LRRC34: variants seen among roughly 807,000 people sequenced by gnomAD.
LRRC34 encodes the protein leucine-rich repeat-containing protein 34.
A neutral mutation model predicts 48.5 loss-of-function variants in LRRC34; 44 were observed. The ratio of observed to expected loss-of-function variants is 0.91; its 90% confidence interval spans 0.71 to 1.17. The LOEUF (loss-of-function observed/expected upper bound fraction) is 1.17, where lower values mean the gene tolerates loss of function less well. LRRC34 is among the 50% of genes most tolerant of loss of function. LRRC34 has a pLI of 0.00. For synonymous variants in LRRC34, 192 were observed against 197.6 expected, an observed-to-expected ratio of 0.97 and a Z score of 0.24; for missense variants, 502 against 563.0, an observed-to-expected ratio of 0.89 and a Z score of 1.10.
At chr3:169,805,323 T>C (rs1779333724) in intron 5 of LRRC34, among the ~76,000 whole-genome samples, 2 of 152,012 alleles carry the variant, frequency 1.3e-5, no homozygotes, top group African/African-American at 2.4e-5. Flanking sequence ...AAGATCAATA[T>C]ACAAAAACAG....
At chr3:169,810,741 T>C (rs1779532180) in intron 1 of LRRC34, among the ~76,000 whole-genome samples, 1 of 152,198 alleles carries the variant, frequency 6.6e-6, no homozygotes, top group African/African-American at 2.4e-5. Context: ...CTCTGCAAAC[T>C]GTTAAGCTTG....
Position 169,806,949 on chromosome 3 carries a change from C to T in LRRC34, c.445-18G>A, listed in dbSNP as rs371880111. The stretch of plus-strand genomic sequence containing the variant: ...AGTTGTTTCTATAAGAGAAAAGAAG[C>T]TATTACACATTATTATTATTGGAAA... On this transcript the variant is annotated intron_variant, in intron 4 of 10. Coordinates refer to ENST00000446859, the MANE Select transcript of LRRC34 (RefSeq NM_001172779.2). The T allele has an allele frequency of 2.3e-4, 325 of 1,441,202 alleles. 1 individual carries two copies. Among genetic ancestry groups the T allele is most frequent in the Admixed American group, 2.9e-4 (17 of 57,924 alleles). The allele number at this position is 1,441,202 out of a possible 1,614,324, so 89.3% of individuals were successfully genotyped here.
At chr3:169,810,349 T>C (rs1779518942) in intron 1 of LRRC34, among the ~76,000 whole-genome samples, 2 of 152,242 alleles carry the variant, frequency 1.3e-5, no homozygotes, top group African/African-American at 2.4e-5. Context: ...TTCTTTTATA[T>C]GCATATTAAG....
At chr3:169,799,244 C>T (rs1779103654) in intron 7 of LRRC34, among the ~76,000 whole-genome samples, 1 of 152,190 alleles carries the variant, frequency 6.6e-6, no homozygotes, top group South Asian at 2.1e-4. Flanking sequence ...GTAAAATACA[C>T]TTCTGAATAT....
chr3:169,795,393 T>G lies in LRRC34; in HGVS notation c.1191+92A>C, dbSNP rs747716012. 1.1e-4 allele frequency: 146 copies of G among 1,353,030 alleles called. 1 individual carries two copies. Among genetic ancestry groups the G allele is most frequent in the Non-Finnish European group, 6.7e-5 (67 of 1,000,680 alleles). The allele number at this position is 1,353,030 out of a possible 1,614,324, so 83.8% of individuals were successfully genotyped here. A position where few individuals can be genotyped will look rare whatever the true frequency, so the allele number is the denominator to read the frequency against. On this transcript the variant is annotated intron_variant, in intron 10 of 10. Transcript: ENST00000446859. Reference sequence around the variant, plus strand: ...ATCAAAACTGCAGTGTCTCACTGTGTAACCATTTCTGAGGCACCTGTAAAT... The same window carrying G: ...ATCAAAACTGCAGTGTCTCACTGTGGAACCATTTCTGAGGCACCTGTAAAT...
Position 169,812,317 on chromosome 3 carries a change from C to A in LRRC34, c.139+93G>T. Reference sequence around the variant, plus strand: ...CTCCCGCCTCGACGCCTTGGGCTGGCGGGCTGCTGGGAGGACTCCTGCCGT... The same window carrying A: ...CTCCCGCCTCGACGCCTTGGGCTGGAGGGCTGCTGGGAGGACTCCTGCCGT... On this transcript the variant is annotated intron_variant, in intron 1 of 10. Transcript: ENST00000446859. The surrounding 1 kb of genome is among the most constrained non-coding windows in gnomAD (Gnocchi z 4.3). The A allele has an allele frequency of 5.7e-6, 8 of 1,408,642 alleles. No homozygotes were observed. Among genetic ancestry groups the A allele is most frequent in the Admixed American group, 2.8e-5 (1 of 36,044 alleles). The allele number at this position is 1,408,642 out of a possible 1,614,324, so 87.3% of individuals were successfully genotyped here. A position where few individuals can be genotyped will look rare whatever the true frequency, so the allele number is the denominator to read the frequency against.
chr3:169,806,572 T>G (rs931067764), intron 5 of LRRC34, among the ~76,000 whole-genome samples: 7 of 151,724 alleles, frequency 4.6e-5, no homozygotes, highest in Non-Finnish European at 1.0e-4. Context: ...GTGATAGTAG[T>G]GATACTTGCA....
chr3:169,807,450 T>C lies in LRRC34; in HGVS notation c.420A>G (p.Ala140=), dbSNP rs775208960. ...CCTGAAGCAGTTTCGCAGCATAGTA[T>C]GCACCAACATCACATAGAAGGTTAT... The part of the protein sequence containing the change: ...VGYNLLCDVG[A]YYAAKLLQKQ... The change falls in exon 4 of 11, where the codon GCA becomes GCG. Residue 140 remains alanine (A), a synonymous_variant. Coordinates refer to ENST00000446859, the MANE Select transcript of LRRC34 (RefSeq NM_001172779.2). The C allele has an allele frequency of 1.9e-6, 3 of 1,614,018 alleles. No homozygotes were observed. The highest frequency in any genetic ancestry group is 2.5e-6 in the Non-Finnish European group (3 of 1,179,954).
At chr3:169,807,820 T>C in intron 2 of LRRC34, 111 bp from the exon 3 acceptor site, 1 of 1,238,324 alleles carries the variant, frequency 8.1e-7, no homozygotes, top group Non-Finnish European at 1.1e-6. Flanking sequence ...ACAGATATCA[T>C]TTACTGGAAG....
intron 7 of LRRC34, among the ~76,000 whole-genome samples, chr3:169,797,622 A>G (rs1022282165): frequency 6.6e-6 from 1 of 152,230 alleles, no homozygotes; most frequent in Non-Finnish European, 1.5e-5. Flanking sequence ...CTCTTGCATG[A>G]TTGCTGTATA....
intron 5 of LRRC34, 102 bp from the exon 6 acceptor site, chr3:169,804,283 A>G: frequency 1.1e-6 from 1 of 942,388 alleles, no homozygotes. Flanking sequence ...TCCAATTTTC[A>G]TGGAGCTAGA....
chr3:169,807,748 T>A, intron 2 of LRRC34, 39 bp from the exon 3 acceptor site: 1 of 1,455,720 alleles, frequency 6.9e-7, no homozygotes, highest in Non-Finnish European at 9.2e-7. Context: ...AAAAAAGATT[T>A]TGAAATAGAA....
chr3:169,807,923 T>A, intron 2 of LRRC34: 4 of 525,782 alleles, frequency 7.6e-6, no homozygotes, highest in Non-Finnish European at 1.3e-5. Context: ...CTTTAAAAGA[T>A]TCCATATATT....
Position 169,804,199 on chromosome 3 carries a change from C to T in LRRC34, c.529-18G>A. 4 of 1,547,058 alleles carry T rather than the reference C, an allele frequency of 2.6e-6. No homozygotes were observed. The South Asian group carries it at 3.7e-5, about 14-fold the overall frequency. On this transcript the variant is annotated intron_variant, in intron 5 of 10. Coordinates refer to ENST00000446859, the MANE Select transcript of LRRC34 (RefSeq NM_001172779.2). Reference sequence around the variant, plus strand: ...CGATTCTTCTGAAAAGGAAAAAAAACTTATTTAATAATTGTTAATCCACAG... The same window carrying T: ...CGATTCTTCTGAAAAGGAAAAAAAATTTATTTAATAATTGTTAATCCACAG...
intron 7 of LRRC34, among the ~76,000 whole-genome samples, chr3:169,799,568 G>A (rs1397559568): frequency 1.3e-5 from 2 of 152,086 alleles, no homozygotes; most frequent in African/African-American, 2.4e-5. Context: ...GAGGTGGGAG[G>A]ATCACTTGAG....
intron 7 of LRRC34, among the ~76,000 whole-genome samples, chr3:169,799,786 C>A (rs1779126978): frequency 6.6e-6 from 1 of 152,222 alleles, no homozygotes; most frequent in Non-Finnish European, 1.5e-5. Context: ...AATCTCGGCT[C>A]ACTGCAACCT....
At chr3:169,795,424 C>A in intron 10 of LRRC34, 61 bp downstream of exon 10, 1 of 1,506,636 alleles carries the variant, frequency 6.6e-7, no homozygotes, top group South Asian at 1.3e-5. Context: ...TAAATAATAT[C>A]TGATGTTACA....
At chr3:169,806,633 G>T (rs1461262270) in intron 5 of LRRC34, among the ~76,000 whole-genome samples, 1 of 151,810 alleles carries the variant, frequency 6.6e-6, no homozygotes, top group African/African-American at 2.4e-5. Flanking sequence ...ACTTTCAAAG[G>T]GTATATTTTA....
At chr3:169,809,558 C>T (rs113409501) in intron 1 of LRRC34, among the ~76,000 whole-genome samples, 2,180 of 152,324 alleles carry the variant, frequency 0.014, 20 homozygotes, top group Middle Eastern at 0.027. Flanking sequence ...CCTTGCTGTT[C>T]TCAGTAATAC....
Sources: gnomAD v4.1 joint callset for allele counts (sites outside exome capture counted in the v4.1 genomes callset) on GRCh38, gnomAD v4.1.1 for gene constraint, Gnocchi (gnomAD v3.1) non-coding constraint, MANE v1.5 for transcripts, NCBI Gene and HGNC (gene_info 2026-07-23, HGNC 2026-07-21) for gene names.